KIAA1671: variants seen among roughly 807,000 people sequenced by gnomAD.
KIAA1671 encodes the protein uncharacterized protein KIAA1671.
Under a neutral mutation model 131.2 loss-of-function variants are expected in KIAA1671, and 52 were observed. The observed-to-expected ratio is 0.40, with a 90% confidence interval of 0.32 to 0.50. The LOEUF (loss-of-function observed/expected upper bound fraction) is 0.50. KIAA1671 is among the 20% of genes least tolerant of loss of function. The pLI is 0.73. For missense variants in KIAA1671, 2,360 were observed against 2,364.2 expected (o/e 1.00, Z 0.04); for synonymous variants, 1,003 against 961.6 (o/e 1.04, Z -0.80).
intron 3 of KIAA1671, among the ~76,000 whole-genome samples, chr22:25,031,045 A>T (rs776406767): frequency 1.5e-4 from 23 of 151,622 alleles, no homozygotes; most frequent in Non-Finnish European, 2.8e-4. Flanking sequence ...TTTTATTTTT[A>T]TTTATTTATT....
chr22:25,179,144 C>T (rs897598098), intron 9 of KIAA1671, among the ~76,000 whole-genome samples: 6 of 152,148 alleles, frequency 3.9e-5, no homozygotes, highest in African/African-American at 1.4e-4. Flanking sequence ...GTCAGCGACT[C>T]ACCACGAGGA....
At chr22:24,954,174 G>A (rs1446054247) in intron 1 of KIAA1671, among the ~76,000 whole-genome samples, 1 of 152,120 alleles carries the variant, frequency 6.6e-6, no homozygotes, top group Non-Finnish European at 1.5e-5. Context: ...TCTTCCAAAT[G>A]GGTTAATTGC....
chr22:25,171,403 C>CA (rs1437432653), intron 7 of KIAA1671, among the ~76,000 whole-genome samples: 1 of 150,924 alleles, frequency 6.6e-6, no homozygotes, highest in African/African-American at 2.4e-5. Flanking sequence ...GACTCCGTCT[C>CA]AAAAAAACAA....
rs570435848 is a variant in KIAA1671, at chr22:24,996,387, G to A, written c.-207-29246G>A. Among the ~76,000 whole-genome samples, 47 of 152,232 alleles carry A rather than the reference G, an allele frequency of 3.1e-4. 1 individual carries two copies. The highest frequency in any genetic ancestry group is 3.4e-3 in the Middle Eastern group (1 of 294). On this transcript the variant is annotated intron_variant, in intron 1 of 12. Transcript: ENST00000358431. The stretch of plus-strand genomic sequence containing the variant: ...CTCACACGAGCCTTATGGATTACAC[G>A]TTTCCTTACAGCATGGCCCCTGGGT...
chr22:25,088,877 T>TACAC (rs146396284), intron 6 of KIAA1671, among the ~76,000 whole-genome samples: 1,919 of 151,224 alleles, frequency 0.013, 11 homozygotes, highest in Non-Finnish European at 0.021. Flanking sequence ...TGTACATATG[T>TACAC]ACACACACAC....
chr22:25,190,304 A>G (rs1009553291), intron 11 of KIAA1671, among the ~76,000 whole-genome samples: 3 of 152,194 alleles, frequency 2.0e-5, no homozygotes, highest in Admixed American at 2.0e-4. Context: ...TCACACTCCT[A>G]TGAGAATCTA....
At chr22:25,049,098 G>A (rs1927394914) in intron 5 of KIAA1671, 132 bp from the exon 6 acceptor site, 7 of 1,119,558 alleles carry the variant, frequency 6.3e-6, no homozygotes, top group African/African-American at 4.7e-5. Context: ...GATCATTAAA[G>A]TGGGGGATTT....
At chr22:25,151,551 C>G (rs1002866094) in intron 6 of KIAA1671, among the ~76,000 whole-genome samples, 19 of 151,274 alleles carry the variant, frequency 1.3e-4, no homozygotes, top group Non-Finnish European at 2.2e-4. Context: ...CATGCCGCAG[C>G]CTCTCCAGTA....
intron 5 of KIAA1671, chr22:25,048,955 T>C: frequency 4.9e-6 from 2 of 406,864 alleles, no homozygotes; most frequent in Non-Finnish European, 9.0e-6. Context: ...AGCTGGGTGC[T>C]GTCATCATGG....
rs907927530 is a variant in KIAA1671, at chr22:25,150,820, T to C, written c.4531-20000T>C. Reference sequence around the variant, plus strand: ...GCGTAACTGTGTTGGTTTATGACTGTGTTCTGGGTCCTTTGCTTTTTTTTT... The same window carrying C: ...GCGTAACTGTGTTGGTTTATGACTGCGTTCTGGGTCCTTTGCTTTTTTTTT... On this transcript the variant is annotated intron_variant, in intron 6 of 12. Transcript: ENST00000358431. Among the ~76,000 whole-genome samples, 36 of 150,966 alleles carry C rather than the reference T, an allele frequency of 2.4e-4. 1 individual carries two copies. The highest frequency in any genetic ancestry group is 8.6e-4 in the African/African-American group (35 of 40,870).
chr22:25,095,608 G>T (rs534746381), intron 6 of KIAA1671, among the ~76,000 whole-genome samples: 2 of 152,226 alleles, frequency 1.3e-5, no homozygotes, highest in Non-Finnish European at 2.9e-5. Flanking sequence ...CTGAGGTCGC[G>T]CCACTGCACT....
intron 6 of KIAA1671, chr22:25,061,877 G>A (rs1928178995): frequency 6.6e-6 from 1 of 152,330 alleles, no homozygotes; most frequent in Non-Finnish European, 1.5e-5. Context: ...CTTCTAGCTT[G>A]CTTCTCCCTC....
intron 6 of KIAA1671, among the ~76,000 whole-genome samples, chr22:25,121,125 A>G (rs1467708799): frequency 6.6e-6 from 1 of 152,202 alleles, no homozygotes; most frequent in African/African-American, 2.4e-5. Context: ...CTGGATTGAT[A>G]CGCATCACAG....
At chr22:25,074,514 A>AAAAAAAAAAAAAAAAAAAAAG (rs59411918) in intron 6 of KIAA1671, among the ~76,000 whole-genome samples, 2 of 117,426 alleles carry the variant, frequency 1.7e-5, no homozygotes, top group African/African-American at 3.7e-5. Flanking sequence ...AAAAAAAAAA[A>AAAAAAAAAAAAAAAAAAAAAG]AAAGAAAGAA....
intron 6 of KIAA1671, among the ~76,000 whole-genome samples, chr22:25,116,142 G>A (rs1248036163): frequency 2.6e-5 from 4 of 152,012 alleles, no homozygotes; most frequent in Non-Finnish European, 4.4e-5. Context: ...GGAGTGGCAC[G>A]ATCATAGCTC....
Position 25,039,897 on chromosome 22 carries a change from G to C in KIAA1671, c.2767G>C (p.Gly923Arg). The C allele has an allele frequency of 6.4e-7, 1 of 1,551,610 alleles. No homozygotes were observed. ...FIVAAREGDP[G>R]PAQVPQPAVR... ...TGTAGCCGCCAGGGAGGGTGATCCA[G>C]GGCCGGCCCAGGTGCCACAGCCTGC... Residue 923 changes from glycine to arginine, a missense_variant, in exon 5 of 13, where the codon GGG becomes CGG. By Grantham distance (125) the Gly-to-Arg change is moderately radical. This residue lies in a region of KIAA1671 where 1,161 missense variants were observed against 1,204.7 expected (regional missense o/e 0.96). Coordinates refer to ENST00000358431, the MANE Select transcript of KIAA1671 (RefSeq NM_001145206.2).
chr22:25,142,382 A>G (rs924781200), intron 6 of KIAA1671, among the ~76,000 whole-genome samples: 2 of 152,168 alleles, frequency 1.3e-5, no homozygotes, highest in African/African-American at 4.8e-5. Context: ...TCAGCCATAA[A>G]TAAGATGCTG....
intron 6 of KIAA1671, among the ~76,000 whole-genome samples, chr22:25,110,594 G>A (rs567617692): frequency 6.6e-6 from 1 of 152,278 alleles, no homozygotes; most frequent in South Asian, 2.1e-4. Flanking sequence ...TCCTTTAACA[G>A]GTGTGCCTGA....
At chr22:25,134,362 C>G (rs1019539587) in intron 6 of KIAA1671, among the ~76,000 whole-genome samples, 5 of 152,152 alleles carry the variant, frequency 3.3e-5, no homozygotes, top group African/African-American at 9.7e-5. Flanking sequence ...CCTGCTTGCT[C>G]TCCTGGTATT....
Sources: allele counts gnomAD v4.1 joint callset (sites outside exome capture counted in the v4.1 genomes callset), GRCh38; gene constraint gnomAD v4.1.1; regional missense constraint gnomAD v4.1.1; transcripts MANE v1.5; gene names NCBI Gene and HGNC (gene_info 2026-07-23, HGNC 2026-07-21).